Variants in DISP2 observed in about 807,000 individuals in gnomAD.
The protein encoded by DISP2 is dispatched RND transporter family member 2, also known as protein dispatched homolog 2.
DISP2 carries 59 observed loss-of-function variants against 95.5 expected under a neutral mutation model. The observed-to-expected ratio is 0.62, with a 90% CI of 0.50 to 0.77. The LOEUF is 0.77. DISP2 is among the 30% of genes least tolerant of loss of function. DISP2 has a pLI of 0.00. For missense variants in DISP2, 1,752 were observed against 1,854.6 expected, an observed-to-expected ratio of 0.94 and a Z score of 1.02; for synonymous variants, 827 against 815.0, an observed-to-expected ratio of 1.01 and a Z score of -0.25.
In DISP2 at chr15:40,373,544, A is replaced by T. The variant is rs1013099442; in HGVS notation, c.*3226A>T. 6.6e-6 allele frequency: 1 copy of T among 151,788 alleles called. No individual in the cohort carries two copies. Among genetic ancestry groups the T allele is most frequent in the Non-Finnish European group, 1.5e-5 (1 of 67,984 alleles). The allele number at this position is 151,788 out of a possible 1,614,324, so 9.4% of individuals were successfully genotyped here. ...CATGGTGAAACCCCGCCTCTACTAA[A>T]AATACAAAAATTAGTTGGGCGTGGT... On this transcript the variant is annotated 3_prime_UTR_variant, in exon 8 of 8. Transcript: ENST00000267889.
rs559188294 is a variant in DISP2 at position 40,368,856 on chromosome 15, C to T, written c.2744C>T (p.Pro915Leu). 3 of 1,614,006 alleles carry T rather than the reference C, an allele frequency of 1.9e-6. No homozygotes were observed. The highest frequency in any genetic ancestry group is 1.3e-5 in the African/African-American group (1 of 75,062). Reference sequence around the variant, plus strand: ...TTCCAGACCAACTTCCGGAACAGTCCGGACTACAACCAGACCCAGCTCTTC... The same window carrying T: ...TTCCAGACCAACTTCCGGAACAGTCTGGACTACAACCAGACCCAGCTCTTC... Reference protein sequence around the residue: ...LQFQTNFRNSPDYNQTQLFYN... With the variant: ...LQFQTNFRNSLDYNQTQLFYN... Residue 915 changes from proline (P) to leucine (L), a missense_variant, in exon 8 of 8, where the codon CCG becomes CTG. Coordinates refer to ENST00000267889, the MANE Select transcript of DISP2 (RefSeq NM_033510.3).
At chr15:40,358,465 C>G in intron 1 of DISP2, 25 bp downstream of exon 1, 1 of 1,258,724 alleles carries the variant, frequency 7.9e-7, no homozygotes, top group South Asian at 2.9e-5. Context: ...TCCGCAGATC[C>G]GTATCACAGA....
In DISP2 at chr15:40,370,005, C is replaced by T; in HGVS notation, c.3893C>T (p.Thr1298Ile). The change falls in exon 8 of 8, where the codon ACC becomes ATC. Residue 1298 changes from threonine to isoleucine, a missense_variant. Physicochemically the swap from Thr to Ile is moderately conservative, Grantham distance 89 (BLOSUM62 -1). Transcript: ENST00000267889. ...GAGGGGCTCAGCGTCTCTGATGAGA[C>T]CTGCCTAAGCACCTCTGAGCCCAGT... ...TLEGLSVSDETCLSTSEPSAR... is the reference protein window; with the variant it reads ...TLEGLSVSDEICLSTSEPSAR... 6.2e-7 allele frequency: 1 copy of T among 1,614,058 alleles called. No homozygotes were observed. Among genetic ancestry groups the T allele is most frequent in the Non-Finnish European group, 8.5e-7 (1 of 1,180,014 alleles).
Position 40,369,703 on chromosome 15 carries a change from G to T in DISP2, c.3591G>T (p.Gln1197His). The change falls in exon 8 of 8, where the codon CAG (glutamine) becomes CAT (histidine). Residue 1197 changes from glutamine (Q) to histidine (H), a missense_variant. Gln to His is a conservative substitution (Grantham distance 24). Around this residue, in one of 5 missense-constraint regions of DISP2, gnomAD observed 347 missense variants for 344.2 expected, o/e 1.01. Transcript: ENST00000267889. ...CCTCAGTACTCTCTGAGGATCTGCA[G>T]CTCCATGATGGTCCGTGCTGTTCCC... is the stretch of plus-strand genomic sequence containing the variant. ...HRPSVLSEDL[Q>H]LHDGPCCSRP... The T allele has an allele frequency of 1.2e-6, 2 of 1,611,668 alleles. No homozygotes were observed. The highest frequency in any genetic ancestry group is 2.2e-5 in the South Asian group (2 of 91,090).
chr15:40,360,664 C>A (rs1889392164), intron 1 of DISP2, among the ~76,000 whole-genome samples: 1 of 152,118 alleles, frequency 6.6e-6, no homozygotes, highest in African/African-American at 2.4e-5. Flanking sequence ...ACTGGGTAAC[C>A]AAGAGTGCAC....
rs1889615065 is a variant in DISP2 at position 40,370,163 on chromosome 15, CCAT to C, written c.4055_4057del (p.Ser1352del). 1 of 1,611,918 alleles carries C rather than the reference CCAT, an allele frequency of 6.2e-7. No homozygotes were observed. Among genetic ancestry groups the C allele is most frequent in the African/African-American group, 1.3e-5 (1 of 74,926 alleles). ...GGCGCTGAGGGAGACAGTGTATGACCCATCATTGCCCGCTTCCCATCACAGCAG... is the reference window on the plus strand; with the variant it reads ...GGCGCTGAGGGAGACAGTGTATGACCCATTGCCCGCTTCCCATCACAGCAG... On this transcript the variant is annotated inframe_deletion, in exon 8 of 8. Transcript: ENST00000267889.
chr15:40,367,869 T>C lies in DISP2; in HGVS notation c.1757T>C (p.Met586Thr). 6.3e-7 allele frequency: 1 copy of C among 1,599,894 alleles called. No individual in the cohort carries two copies. The highest frequency in any genetic ancestry group is 2.2e-5 in the East Asian group (1 of 44,862). Reference sequence around the variant, plus strand: ...CTGGCGCAGCGCGTGGGCCGCACCATGCACCACTTCGGCTACCTGCTGCTG... The same window carrying C: ...CTGGCGCAGCGCGTGGGCCGCACCACGCACCACTTCGGCTACCTGCTGCTG... Reference protein sequence around the residue: ...GGLAQRVGRTMHHFGYLLLVS... With the variant: ...GGLAQRVGRTTHHFGYLLLVS... Residue 586 changes from methionine (M) to threonine (T), a missense_variant, in exon 8 of 8, where the codon ATG (methionine) becomes ACG (threonine). Physicochemically the swap from Met to Thr is moderately conservative, Grantham distance 81 (BLOSUM62 -1). This residue lies in a region of DISP2 where 732 missense variants were observed against 714.6 expected (regional missense o/e 1.02). Coordinates refer to ENST00000267889, the MANE Select transcript of DISP2 (RefSeq NM_033510.3).
rs1209168821 is a variant in DISP2, at chr15:40,374,837, C to G, written c.*4519C>G. The G allele has an allele frequency of 1.3e-5, 2 of 152,124 alleles. No homozygotes were observed. Among genetic ancestry groups the G allele is most frequent in the Non-Finnish European group, 2.9e-5 (2 of 68,060 alleles). The allele number at this position is 152,124 out of a possible 1,614,324, so 9.4% of individuals were successfully genotyped here. ...TGTTAGCCAGGATGGTTTCGATCTCCTGACCTTGTGATCCGCCCACCTCGG... is the reference window on the plus strand; with the variant it reads ...TGTTAGCCAGGATGGTTTCGATCTCGTGACCTTGTGATCCGCCCACCTCGG... On this transcript the variant is annotated 3_prime_UTR_variant, in exon 8 of 8. Coordinates refer to ENST00000267889, the MANE Select transcript of DISP2 (RefSeq NM_033510.3).
intron 1 of DISP2, among the ~76,000 whole-genome samples, chr15:40,361,778 G>T (rs1000154968): frequency 6.6e-6 from 1 of 152,232 alleles, no homozygotes; most frequent in African/African-American, 2.4e-5. Flanking sequence ...GCAGCTCACA[G>T]CCCCTTCAGC....
Position 40,369,624 on chromosome 15 carries a change from G to T in DISP2, c.3512G>T (p.Arg1171Leu). ...TATGAGCTACAGCCCCTGGCACGGC[G>T]TCGGAGCCCCAGCTTTGACACCAGC... ...EQYELQPLAR[R>L]RSPSFDTSTA... The change falls in exon 8 of 8, where the codon CGT becomes CTT. Residue 1171 changes from arginine (R) to leucine (L), a missense_variant. Physicochemically the swap from Arg to Leu is moderately radical, Grantham distance 102 (BLOSUM62 -2). This residue lies in a region of DISP2 where 347 missense variants were observed against 344.2 expected (regional missense o/e 1.01). Transcript: ENST00000267889. The T allele has an allele frequency of 6.2e-7, 1 of 1,611,576 alleles. No homozygotes were observed. Among genetic ancestry groups the T allele is most frequent in the Non-Finnish European group, 8.5e-7 (1 of 1,179,986 alleles).
Position 40,363,793 on chromosome 15 carries a change from C to G in DISP2, c.288C>G (p.Pro96=), listed in dbSNP as rs1356058056. ...TGGCCCCTGCCCACTTCACCTATCC[C>G]CGGGCACTGCAGGAATACCAGGGGG... The part of the protein sequence containing the change: ...SPLAPAHFTY[P]RALQEYQGGS... Residue 96 remains proline, a synonymous_variant, in exon 2 of 8, where the codon CCC becomes CCG. Coordinates refer to ENST00000267889, the MANE Select transcript of DISP2 (RefSeq NM_033510.3). The G allele has an allele frequency of 6.2e-7, 1 of 1,613,180 alleles. No homozygotes were observed. The highest frequency in any genetic ancestry group is 1.1e-5 in the South Asian group (1 of 90,970).
rs1334099328 is a variant in DISP2 at position 40,369,947 on chromosome 15, C to T, written c.3835C>T (p.Pro1279Ser). ...TCCTAAGGCCAAGGCTGCAGATCCT[C>T]CTGATGGCTTCTGTTCCTCAGCCAG... ...HSPKAKAADP[P>S]DGFCSSASTL... Residue 1279 changes from proline (P) to serine (S), a missense_variant, in exon 8 of 8, where the codon CCT becomes TCT. Pro to Ser is a moderately conservative substitution (Grantham distance 74). This residue lies in a region of DISP2 where 347 missense variants were observed against 344.2 expected (regional missense o/e 1.01). Transcript: ENST00000267889. The T allele has an allele frequency of 1.9e-6, 3 of 1,606,774 alleles. No homozygotes were observed. Among genetic ancestry groups the T allele is most frequent in the Non-Finnish European group, 1.7e-6 (2 of 1,176,322 alleles).
At position 40,367,120 on chromosome 15, in the gene DISP2, C is replaced by T. The variant is rs753931363; in HGVS notation, c.1008C>T (p.Pro336=). Residue 336 remains proline, a synonymous_variant, in exon 8 of 8, where the codon CCC becomes CCT. Coordinates refer to ENST00000267889, the MANE Select transcript of DISP2 (RefSeq NM_033510.3). ...GGACAGCAGCCAACCAGTGCTGCCCCAGCTGGTCCCTGGGCAACTATCTGG... is the reference window on the plus strand; with the variant it reads ...GGACAGCAGCCAACCAGTGCTGCCCTAGCTGGTCCCTGGGCAACTATCTGG... ...CQRTAANQCC[P]SWSLGNYLAV... 6 of 1,613,666 alleles carry T rather than the reference C, an allele frequency of 3.7e-6. No individual in the cohort carries two copies. In the East Asian group the frequency reaches 1.1e-4, roughly 30 times the overall value.
At chr15:40,364,101 A>G in intron 2 of DISP2, 125 bp from the exon 3 acceptor site, 1 of 1,509,786 alleles carries the variant, frequency 6.6e-7, no homozygotes, top group Non-Finnish European at 9.0e-7. Context: ...GGAGTGGCAA[A>G]GCGCTAAAAG....
rs770438703 is a variant in DISP2 at position 40,369,327 on chromosome 15, C to T, written c.3215C>T (p.Ala1072Val). ...ATAVGAAALF[A>V]AGVLMLPATV... ...GCCGTGGGGGCTGCAGCCCTGTTTG[C>T]GGCAGGCGTGCTCATGCTGCCTGCC... The change falls in exon 8 of 8, where the codon GCG becomes GTG. Residue 1072 changes from alanine to valine, a missense_variant. Ala to Val is a moderately conservative substitution (Grantham distance 64, BLOSUM62 0). Around this residue, in one of 5 missense-constraint regions of DISP2, gnomAD observed 317 missense variants for 394.9 expected, o/e 0.80. Coordinates refer to ENST00000267889, the MANE Select transcript of DISP2 (RefSeq NM_033510.3). 4.2e-5 allele frequency: 67 copies of T among 1,613,180 alleles called. No individual in the cohort carries two copies. The highest frequency in any genetic ancestry group is 1.5e-4 in the South Asian group (14 of 91,088).
rs1889694221 is a variant in DISP2, at chr15:40,374,145, A to ATCCCATACCAT, written c.*3827_*3828insTCCCATACCAT. 3 of 151,034 alleles carry ATCCCATACCAT rather than the reference A, an allele frequency of 2.0e-5. No homozygotes were observed. The highest frequency in any genetic ancestry group is 2.0e-4 in the Admixed American group (3 of 15,156). The allele number at this position is 151,034 out of a possible 1,614,324, so 9.4% of individuals were successfully genotyped here. ...AGACTGATTTTATTGGCTGAATCTT[A>ATCCCATACCAT]GATTTTACTGATATATAGCATATCC... is the stretch of plus-strand genomic sequence containing the variant. On this transcript the variant is annotated 3_prime_UTR_variant, in exon 8 of 8. Coordinates refer to ENST00000267889, the MANE Select transcript of DISP2 (RefSeq NM_033510.3).
rs35004278 is a variant in DISP2 at position 40,367,512 on chromosome 15, C to T, written c.1400C>T (p.Thr467Ile). The T allele has an allele frequency of 0.011, 18,307 of 1,613,758 alleles. 136 individuals carry two copies. The highest frequency in any genetic ancestry group is 0.013 in the Non-Finnish European group (15,501 of 1,179,994). ...CCCTGGGGGCTTGCTGACAACTACACCTCTGTCACTGGCATGGACCTGGGC... is the reference window on the plus strand; with the variant it reads ...CCCTGGGGGCTTGCTGACAACTACATCTCTGTCACTGGCATGGACCTGGGC... ...ATPWGLADNY[T>I]SVTGMDLGLK... Residue 467 changes from threonine (T) to isoleucine (I), a missense_variant, in exon 8 of 8, where the codon ACC becomes ATC. Physicochemically the swap from Thr to Ile is moderately conservative, Grantham distance 89. Transcript: ENST00000267889.
rs1055330669 is a variant in DISP2 at position 40,378,483 on chromosome 15, C to T, written c.*8165C>T. ...AAATTGTACACTTAAAATATGTGGT[C>T]TATGGAATGTTAATTATATCTCAAT... On this transcript the variant is annotated 3_prime_UTR_variant, in exon 8 of 8. Coordinates refer to ENST00000267889, the MANE Select transcript of DISP2 (RefSeq NM_033510.3). 26 of 152,006 alleles carry T rather than the reference C, an allele frequency of 1.7e-4. No homozygotes were observed. The highest frequency in any genetic ancestry group is 1.7e-3 in the Admixed American group (26 of 15,258). The allele number at this position is 152,006 out of a possible 1,614,324, so 9.4% of individuals were successfully genotyped here. A position where few individuals can be genotyped will look rare whatever the true frequency, so the allele number is the denominator to read the frequency against.
In DISP2 at chr15:40,370,525, G is replaced by A. The variant is rs996289146; in HGVS notation, c.*207G>A. 9 of 981,210 alleles carry A rather than the reference G, an allele frequency of 9.2e-6. No homozygotes were observed. The highest frequency in any genetic ancestry group is 1.2e-5 in the Non-Finnish European group (8 of 644,188). The allele number at this position is 981,210 out of a possible 1,614,324, so 60.8% of individuals were successfully genotyped here. The stretch of plus-strand genomic sequence containing the variant: ...CATCTGGAGGATTCCAGCAGGAGGG[G>A]TTTTGGAGGGGACCTGCTTGCGACC... On this transcript the variant is annotated 3_prime_UTR_variant, in exon 8 of 8. Coordinates refer to ENST00000267889, the MANE Select transcript of DISP2 (RefSeq NM_033510.3).
Sources: allele counts gnomAD v4.1 joint callset (sites outside exome capture counted in the v4.1 genomes callset), GRCh38; gene constraint gnomAD v4.1.1; regional missense constraint gnomAD v4.1.1; transcripts MANE v1.5; gene names NCBI Gene and HGNC (gene_info 2026-07-23, HGNC 2026-07-21).